ESR1: variants seen among roughly 807,000 people sequenced by gnomAD.
ESR1 encodes estrogen receptor.
In ESR1, 12 loss-of-function variants were observed where a neutral mutation model predicts 52.7. The ratio of observed to expected loss-of-function variants is 0.23; its 90% CI spans 0.15 to 0.37. ESR1 has a LOEUF of 0.37. Ranked by LOEUF, ESR1 falls within the 10% of genes least tolerant of loss-of-function variation. ESR1 has a pLI of 1.00. For missense variants in ESR1, 584 were observed against 779.7 expected, an observed-to-expected ratio of 0.75 and a Z score of 2.99; for synonymous variants, 305 against 316.8, an observed-to-expected ratio of 0.96 and a Z score of 0.39.
At chr6:151,921,066 T>C (rs929039656) in intron 3 of ESR1, among the ~76,000 whole-genome samples, 1 of 152,222 alleles carries the variant, frequency 6.6e-6, no homozygotes, top group East Asian at 1.9e-4. Flanking sequence ...TTAGTTGTTT[T>C]TCCTAATGCT....
chr6:152,004,068 T>C (rs2042157852), intron 4 of ESR1, among the ~76,000 whole-genome samples: 1 of 152,038 alleles, frequency 6.6e-6, no homozygotes, highest in African/African-American at 2.4e-5. Flanking sequence ...AAGCCTCATT[T>C]TTCTTTCTAA....
At chr6:151,971,461 G>A (rs2347870) in intron 4 of ESR1, among the ~76,000 whole-genome samples, 118,480 of 151,966 alleles carry the variant, frequency 0.78, 46,620 homozygotes, top group Middle Eastern at 0.88. Context: ...TTTCATTCCC[G>A]AGTTACTTCA....
In ESR1 at chr6:152,094,307, C is replaced by A. The variant is rs1365280304; in HGVS notation, c.1370-78C>A. On this transcript the variant is annotated intron_variant, in intron 6 of 7. Transcript: ENST00000206249. The surrounding 1 kb of genome is among the most constrained non-coding windows in gnomAD (Gnocchi z 4.6). The stretch of plus-strand genomic sequence containing the variant: ...GAGGAAGGGCACTGGCTCATTGTTA[C>A]ATCCCATGAACACTCTGGGTCTCCT... The A allele has an allele frequency of 8.0e-7, 1 of 1,245,706 alleles. No individual in the cohort carries two copies. The highest frequency in any genetic ancestry group is 1.2e-6 in the Non-Finnish European group (1 of 844,790). The allele number at this position is 1,245,706 out of a possible 1,614,324, so 77.2% of individuals were successfully genotyped here.
chr6:151,883,859 A>G (rs1382035596), intron 3 of ESR1, among the ~76,000 whole-genome samples: 1 of 152,116 alleles, frequency 6.6e-6, no homozygotes, highest in Non-Finnish European at 1.5e-5. Context: ...CGGGGCATCC[A>G]CAGCTTCTTC....
intron 4 of ESR1, among the ~76,000 whole-genome samples, chr6:151,964,928 CA>C (rs2038104755): frequency 6.6e-6 from 1 of 152,162 alleles, no homozygotes; most frequent in Non-Finnish European, 1.5e-5. Flanking sequence ...AGGCATGAGC[CA>C]CCGCGCCCGG....
At chr6:151,762,159 T>A (rs921271295) in intron 2 of ESR1, among the ~76,000 whole-genome samples, 5 of 152,158 alleles carry the variant, frequency 3.3e-5, no homozygotes, top group African/African-American at 1.2e-4. Flanking sequence ...CGCTTTCAGG[T>A]GAAAAAGAAC....
chr6:151,925,822 TA>T (rs1250161758), intron 3 of ESR1, among the ~76,000 whole-genome samples: 4 of 152,068 alleles, frequency 2.6e-5, no homozygotes, highest in African/African-American at 9.7e-5. Flanking sequence ...CCCAATTTAT[TA>T]ATTTTTTTCT....
In ESR1 at chr6:151,808,106, C is replaced by T. The variant is rs2128156285; in HGVS notation, c.194C>T (p.Ala65Val). The change falls in exon 1 of 8, where the codon GCG becomes GTG. Residue 65 changes from alanine (A) to valine (V), a missense_variant. By Grantham distance (64) the Ala-to-Val change is moderately conservative (BLOSUM62 0). This residue lies in a region of ESR1 where 251 missense variants were observed against 246.1 expected (regional missense o/e 1.02). Transcript: ENST00000206249. ...PEGAAYEFNA[A>V]AAANAQVYGQ... ...GGCGCCGCCTACGAGTTCAACGCCG[C>T]GGCCGCCGCCAACGCGCAGGTCTAC... 1 of 1,611,416 alleles carries T rather than the reference C, an allele frequency of 6.2e-7. No homozygotes were observed. The highest frequency in any genetic ancestry group is 8.5e-7 in the Non-Finnish European group (1 of 1,179,330).
chr6:151,862,062 A>G (rs1259165408), intron 2 of ESR1, among the ~76,000 whole-genome samples: 1 of 152,154 alleles, frequency 6.6e-6, no homozygotes, highest in East Asian at 1.9e-4. Flanking sequence ...TCTAATAATA[A>G]TAGTTAATGT....
intron 2 of ESR1, among the ~76,000 whole-genome samples, chr6:151,789,374 G>T (rs182426766): frequency 5.0e-4 from 76 of 152,218 alleles, no homozygotes; most frequent in Non-Finnish European, 1.0e-3. Flanking sequence ...CAATACAATA[G>T]CACACTATGT....
At chr6:151,948,712 C>T (rs1174474210) in intron 4 of ESR1, among the ~76,000 whole-genome samples, 2 of 152,110 alleles carry the variant, frequency 1.3e-5, no homozygotes, top group Non-Finnish European at 2.9e-5. Flanking sequence ...AGTTTTGGCC[C>T]CAGGGGTAGG....
At position 152,071,649 on chromosome 6, in the gene ESR1, T is replaced by G. The variant is rs115759037; in HGVS notation, c.1369+10525T>G. On this transcript the variant is annotated intron_variant, in intron 6 of 7. Coordinates refer to ENST00000206249, the MANE Select transcript of ESR1 (RefSeq NM_000125.4). ...GTACTGTGTATGCATATATTCATAT[T>G]TATATTTACATATTCTAATTAGGAT... is the stretch of plus-strand genomic sequence containing the variant. 4.9e-3 allele frequency among the ~76,000 whole-genome samples: 741 copies of G among 152,358 alleles called. 9 individuals carry two copies. Among genetic ancestry groups the G allele is most frequent in the African/African-American group, 0.017 (703 of 41,590 alleles).
intron 1 of ESR1, among the ~76,000 whole-genome samples, chr6:151,810,247 T>C (rs1405429194): frequency 6.6e-6 from 1 of 152,032 alleles, no homozygotes; most frequent in African/African-American, 2.4e-5. Flanking sequence ...TCAAACACTC[T>C]TAGAATAATA....
In ESR1 at chr6:152,094,986, G is replaced by A. The variant is rs998299921; in HGVS notation, c.1553+418G>A. ...GAGACCCTGGGGCCAGATGCCTCAC[G>A]GAGAGTCAATGTTGACTCCTTCATA... On this transcript the variant is annotated intron_variant, in intron 7 of 7. Transcript: ENST00000206249. This position sits in a 1 kb window ranked among gnomAD's most constrained non-coding sequence, Gnocchi z 4.6. 2.6e-5 allele frequency among the ~76,000 whole-genome samples: 4 copies of A among 152,172 alleles called. No homozygotes were observed. The highest frequency in any genetic ancestry group is 1.9e-4 in the East Asian group (1 of 5,150).
chr6:151,710,809 G>C (rs1299845845), intron 2 of ESR1, among the ~76,000 whole-genome samples: 3 of 151,472 alleles, frequency 2.0e-5, no homozygotes, highest in African/African-American at 7.3e-5. Context: ...CGTTTGGTTT[G>C]ATGTTCCTGT....
chr6:151,876,083 C>T (rs969122243), intron 2 of ESR1, among the ~76,000 whole-genome samples: 5 of 152,006 alleles, frequency 3.3e-5, no homozygotes, highest in African/African-American at 1.2e-4. Context: ...ATTGGTTTCG[C>T]TTTGAAAAAT....
intron 3 of ESR1, among the ~76,000 whole-genome samples, chr6:151,909,319 TG>T (rs1323644440): frequency 6.6e-6 from 1 of 152,130 alleles, no homozygotes; most frequent in Non-Finnish European, 1.5e-5. Flanking sequence ...GGCCATGACT[TG>T]GGGAGTCTCC....
intron 2 of ESR1, among the ~76,000 whole-genome samples, chr6:151,762,889 G>A (rs1784762836): frequency 1.3e-5 from 2 of 152,014 alleles, no homozygotes; most frequent in South Asian, 2.1e-4. Flanking sequence ...GCAGTGAGCC[G>A]AGATCACGCC....
chr6:151,702,992 T>G (rs923660924), intron 2 of ESR1, among the ~76,000 whole-genome samples: 3 of 152,330 alleles, frequency 2.0e-5, no homozygotes, highest in Middle Eastern at 3.4e-3. Context: ...AAGTCTGCAC[T>G]TTTAAAAATA....
Sources: gnomAD v4.1 joint callset for allele counts (sites outside exome capture counted in the v4.1 genomes callset) on GRCh38, gnomAD v4.1.1 for gene constraint, gnomAD v4.1.1 regional missense constraint, Gnocchi (gnomAD v3.1) non-coding constraint, MANE v1.5 for transcripts, NCBI Gene and HGNC (gene_info 2026-07-23, HGNC 2026-07-21) for gene names.